KCNIP4: variants seen among roughly 807,000 people sequenced by gnomAD.
The protein encoded by KCNIP4 is Kv channel-interacting protein 4.
In KCNIP4, 12 loss-of-function variants were observed where a neutral mutation model predicts 34.0. That is an observed-to-expected ratio of 0.35 (90% CI 0.23 to 0.57). The LOEUF is 0.57. KCNIP4 is among the 20% of genes least tolerant of loss of function. The pLI, the probability that KCNIP4 is intolerant of heterozygous loss-of-function variation, is 0.83. For synonymous variants in KCNIP4, 124 were observed against 102.2 expected, an observed-to-expected ratio of 1.21 and a Z score of -1.29; for missense variants, 238 against 311.7, an observed-to-expected ratio of 0.76 and a Z score of 1.78.
chr4:20,848,279 G>GA (rs200366433), intron 3 of KCNIP4, among the ~76,000 whole-genome samples: 18 of 151,422 alleles, frequency 1.2e-4, no homozygotes, highest in African/African-American at 3.6e-4. Context: ...ATAGAGAAGA[G>GA]AAAAAAATAG....
chr4:21,810,600 G>A (rs1242020843), intron 1 of KCNIP4, among the ~76,000 whole-genome samples: 1 of 148,476 alleles, frequency 6.7e-6, no homozygotes, highest in Non-Finnish European at 1.5e-5. Context: ...TGAGGCAGGA[G>A]AATGGCATAA....
chr4:21,102,625 T>C (rs571654808), intron 1 of KCNIP4, among the ~76,000 whole-genome samples: 10 of 152,348 alleles, frequency 6.6e-5, no homozygotes, highest in African/African-American at 9.6e-5. Flanking sequence ...TTTTAATTGA[T>C]ATACAAAATA....
At chr4:20,820,124 T>C (rs1716922406) in intron 3 of KCNIP4, among the ~76,000 whole-genome samples, 1 of 152,170 alleles carries the variant, frequency 6.6e-6, no homozygotes, top group African/African-American at 2.4e-5. Context: ...GCAGTTCTGG[T>C]GATAACTCAA....
At chr4:21,029,889 C>T (rs1332103470) in intron 1 of KCNIP4, among the ~76,000 whole-genome samples, 1 of 152,140 alleles carries the variant, frequency 6.6e-6, no homozygotes, top group Non-Finnish European at 1.5e-5. Flanking sequence ...TTACTTGAAT[C>T]CCTACTATAC....
chr4:21,373,271 TATC>T (rs1390992361), intron 1 of KCNIP4, among the ~76,000 whole-genome samples: 32 of 146,752 alleles, frequency 2.2e-4, no homozygotes, highest in South Asian at 4.2e-4. Flanking sequence ...TGCAGTGAGT[TATC>T]ATCATGCCAC....
At chr4:21,084,137 T>C (rs1746223025) in intron 1 of KCNIP4, among the ~76,000 whole-genome samples, 1 of 151,742 alleles carries the variant, frequency 6.6e-6, no homozygotes, top group African/African-American at 2.4e-5. Flanking sequence ...TTCTCCTGAG[T>C]TAAGTGTTAA....
chr4:21,499,825 T>C (rs1227685521), intron 1 of KCNIP4, among the ~76,000 whole-genome samples: 2 of 152,110 alleles, frequency 1.3e-5, no homozygotes, highest in Non-Finnish European at 2.9e-5. Context: ...TTAATAAATG[T>C]AACCAATACT....
At chr4:21,340,185 T>C (rs1335292355) in intron 1 of KCNIP4, among the ~76,000 whole-genome samples, 2 of 152,156 alleles carry the variant, frequency 1.3e-5, no homozygotes, top group East Asian at 3.9e-4. Context: ...TTGGGGTCCA[T>C]GCAAAATCAT....
intron 1 of KCNIP4, among the ~76,000 whole-genome samples, chr4:21,242,163 CAAAAA>C (rs11436478): frequency 1.8e-5 from 1 of 55,776 alleles, no homozygotes; most frequent in Non-Finnish European, 3.8e-5. Context: ...AATTCTGTCT[CAAAAA>C]AAAAAAAAAA....
At chr4:20,865,192 T>C (rs1205778725) in intron 2 of KCNIP4, among the ~76,000 whole-genome samples, 1 of 152,066 alleles carries the variant, frequency 6.6e-6, no homozygotes, top group Non-Finnish European at 1.5e-5. Context: ...AAACCCAAGC[T>C]TACTGACTCT....
chr4:20,866,191 A>G (rs1272350297), intron 2 of KCNIP4, among the ~76,000 whole-genome samples: 1 of 152,064 alleles, frequency 6.6e-6, no homozygotes, highest in Admixed American at 6.6e-5. Context: ...AAACTCTGGC[A>G]AGGACTCAAC....
chr4:21,856,169 T>C (rs908221297), intron 1 of KCNIP4, among the ~76,000 whole-genome samples: 3 of 152,182 alleles, frequency 2.0e-5, no homozygotes, highest in African/African-American at 7.2e-5. Context: ...TGCTGATATA[T>C]CACCAGAAGA....
chr4:21,239,421 C>A (rs1385864862), intron 1 of KCNIP4, among the ~76,000 whole-genome samples: 1 of 151,266 alleles, frequency 6.6e-6, no homozygotes, highest in Non-Finnish European at 1.5e-5. Context: ...AAGAAACTAC[C>A]ATCAGAGTGA....
At chr4:21,331,472 G>T (rs1715630366) in intron 1 of KCNIP4, among the ~76,000 whole-genome samples, 1 of 152,076 alleles carries the variant, frequency 6.6e-6, no homozygotes, top group Admixed American at 6.6e-5. Flanking sequence ...TTGACAACAT[G>T]AAATCTATGC....
chr4:21,662,819 AC>A (rs1396919777), intron 1 of KCNIP4, among the ~76,000 whole-genome samples: 1 of 152,234 alleles, frequency 6.6e-6, no homozygotes, highest in Non-Finnish European at 1.5e-5. Context: ...GAGATGTTAC[AC>A]CAACATCCTC....
At chr4:21,269,391 C>T (rs1389402530) in intron 1 of KCNIP4, among the ~76,000 whole-genome samples, 3 of 152,000 alleles carry the variant, frequency 2.0e-5, no homozygotes. Flanking sequence ...TAATTTCCAG[C>T]TTGTTTTATT....
chr4:21,743,051 T>C (rs935894199), intron 1 of KCNIP4, among the ~76,000 whole-genome samples: 1 of 152,184 alleles, frequency 6.6e-6, no homozygotes, highest in Non-Finnish European at 1.5e-5. Context: ...TCTGTAGAGA[T>C]ATAATCAGTG....
chr4:21,547,402 T>C (rs1167138616), intron 1 of KCNIP4, among the ~76,000 whole-genome samples: 1 of 152,102 alleles, frequency 6.6e-6, no homozygotes, highest in Non-Finnish European at 1.5e-5. Context: ...ATAGATTATA[T>C]CTATATATAT....
At chr4:21,151,931 T>C (rs1197209466) in intron 1 of KCNIP4, among the ~76,000 whole-genome samples, 1 of 152,144 alleles carries the variant, frequency 6.6e-6, no homozygotes, top group Non-Finnish European at 1.5e-5. Flanking sequence ...CACAATACTG[T>C]AAATACTTCT....
Sources: gnomAD v4.1 joint callset for allele counts (sites outside exome capture counted in the v4.1 genomes callset) on GRCh38, gnomAD v4.1.1 for gene constraint, MANE v1.5 for transcripts, NCBI Gene and HGNC (gene_info 2026-07-23, HGNC 2026-07-21) for gene names.